BCOR: variants seen among roughly 807,000 people sequenced by gnomAD.
BCOR encodes the protein BCL-6 corepressor.
A neutral mutation model predicts 86.7 loss-of-function variants in BCOR; 10 were observed. The ratio of observed to expected loss-of-function variants is 0.12; its 90% CI spans 0.07 to 0.20. BCOR has a LOEUF of 0.20. Ranked by LOEUF, BCOR falls within the 10% of genes least tolerant of loss-of-function variation. BCOR has a pLI of 1.00. For synonymous variants in BCOR, 611 were observed against 609.0 expected (o/e 1.00, Z -0.05); for missense variants, 1,259 against 1,452.1 (o/e 0.87, Z 2.16).
intron 1 of BCOR, among the ~76,000 whole-genome samples, chrX:40,106,791 C>T (rs980929095): frequency 4.5e-5 from 5 of 111,381 alleles, no homozygotes; most frequent in African/African-American, 1.6e-4. Context: ...GGGAGGGGTC[C>T]GGGGATTTTG....
chrX:40,084,306 G>C (rs898760404), intron 1 of BCOR, among the ~76,000 whole-genome samples: 3 of 112,163 alleles, frequency 2.7e-5, no homozygotes. Context: ...GGGGACACTT[G>C]CCCGTCTCCC....
chrX:40,162,922 G>A (rs1453591706), intron 1 of BCOR, among the ~76,000 whole-genome samples: 1 of 111,531 alleles, frequency 9.0e-6, no homozygotes, highest in Non-Finnish European at 1.9e-5. Flanking sequence ...TCCATTCAGG[G>A]GTTAGAGACA....
intron 1 of BCOR, among the ~76,000 whole-genome samples, chrX:40,163,194 C>T (rs957716648): frequency 3.6e-5 from 4 of 110,827 alleles, no homozygotes; most frequent in Non-Finnish European, 7.6e-5. Context: ...TGAAGGGTTA[C>T]TAGATCTTCC....
Position 40,063,080 on chromosome X carries a change from GGAGGGGGTGAC to G in BCOR, c.3848-20_3848-10del, listed in dbSNP as rs1934985467. 1.8e-6 allele frequency: 2 copies of G among 1,138,747 alleles called. No individual in the cohort carries two copies. Among genetic ancestry groups the G allele is most frequent in the Non-Finnish European group, 2.3e-6 (2 of 851,305 alleles). 93.8% of individuals were successfully genotyped at this position (1,138,747 alleles called of 1,213,427 possible). A position where few individuals can be genotyped will look rare whatever the true frequency, so the allele number is the denominator to read the frequency against. On this transcript the variant is annotated splice_polypyrimidine_tract_variant and intron_variant, in intron 8 of 14. Transcript: ENST00000378444. ...GGAGAACACAGGCAAGCCTAAATAC[GGAGGGGGTGAC>G]GGGGTGGCGGGCGGATGGGAGACGG...
intron 1 of BCOR, among the ~76,000 whole-genome samples, chrX:40,138,140 C>CG (rs1937727025): frequency 9.0e-6 from 1 of 111,596 alleles, no homozygotes; most frequent in African/African-American, 3.3e-5. Context: ...TTAGTAGAGA[C>CG]GGGGTTTCTC....
intron 14 of BCOR, among the ~76,000 whole-genome samples, chrX:40,052,603 C>T (rs771734011): frequency 7.2e-4 from 62 of 85,949 alleles, no homozygotes; most frequent in Admixed American, 2.3e-3. Flanking sequence ...CTCGCTCTGT[C>T]GCCCAGGCTG....
chrX:40,062,072 C>T (rs1026118680), intron 10 of BCOR, 67 bp downstream of exon 10: 2 of 1,145,862 alleles, frequency 1.7e-6, no homozygotes, highest in Non-Finnish European at 2.3e-6. Flanking sequence ...TCCCTCCCCT[C>T]GCCCACCACA....
At chrX:40,139,788 G>A (rs1343184673) in intron 1 of BCOR, among the ~76,000 whole-genome samples, 2 of 89,975 alleles carry the variant, frequency 2.2e-5, no homozygotes, top group African/African-American at 8.3e-5. Flanking sequence ...TCCAGCCTGG[G>A]TGACAGAGCG....
At chrX:40,100,404 C>T (rs767081119), upstream of BCOR, among the ~76,000 whole-genome samples, 300 of 112,082 alleles carry the variant, frequency 2.7e-3, 2 homozygotes, top group African/African-American at 5.9e-3. Context: ...TCTATCCCCT[C>T]CCCTCGTCTC....
intron 1 of BCOR, among the ~76,000 whole-genome samples, chrX:40,158,500 C>G (rs1938348234): frequency 8.9e-6 from 1 of 112,596 alleles, no homozygotes; most frequent in South Asian, 3.6e-4. Flanking sequence ...GACGATGGGG[C>G]GGCCGTCCCT....
At chrX:40,100,499 G>A (rs1237326341), upstream of BCOR, among the ~76,000 whole-genome samples, 2 of 112,131 alleles carry the variant, frequency 1.8e-5, no homozygotes, top group East Asian at 2.8e-4. Flanking sequence ...TCCAGGAACC[G>A]AGCTCGGGGC....
In BCOR at chrX:40,155,004, TGCCCGAGCGCCCGCCGCG is replaced by T. The variant is rs1231842219; in HGVS notation, c.-41+21985_-41+22002del. Reference sequence around the variant, plus strand: ...CACGCGCGCGCGCGTCCTCTCCGCCTGCCCGAGCGCCCGCCGCGGCCCGCAGTGCGCCCGGGGCTGGGG... The same window carrying T: ...CACGCGCGCGCGCGTCCTCTCCGCCTGCCCGCAGTGCGCCCGGGGCTGGGG... On this transcript the variant is annotated intron_variant, in intron 1 of 14. Coordinates refer to the BCOR transcript ENST00000342274. Among the ~76,000 whole-genome samples the T allele has an allele frequency of 2.7e-5, 3 of 109,322 alleles. No individual in the cohort carries two copies. The Admixed American group carries it at 2.8e-4, about 10-fold the overall frequency. 94.9% of individuals were successfully genotyped at this position (109,322 alleles called of 115,157 possible).
At position 40,097,854 on chromosome X, in the gene BCOR, G is replaced by A. The variant is rs1936969649; in HGVS notation, c.-680C>T. 9.4e-6 allele frequency among the ~76,000 whole-genome samples: 1 copy of A among 106,507 alleles called. No individual in the cohort carries two copies. Among genetic ancestry groups the A allele is most frequent in the African/African-American group, 3.5e-5 (1 of 28,739 alleles). 92.5% of individuals were successfully genotyped at this position (106,507 alleles called of 115,157 possible). The stretch of plus-strand genomic sequence containing the variant: ...CCGCCTAGCTCCCGCTCTCGGTCGC[G>A]GTCTGGGCTCCTGCGCGTCTCCCCC... On this transcript the variant is annotated 5_prime_UTR_variant, in exon 1 of 15. Coordinates refer to ENST00000378444, the MANE Select transcript of BCOR (RefSeq NM_001123385.2).
At chrX:40,136,512 G>A (rs1937684790) in intron 1 of BCOR, among the ~76,000 whole-genome samples, 1 of 111,801 alleles carries the variant, frequency 8.9e-6, no homozygotes. Flanking sequence ...TCTCTCTGTA[G>A]CCTCACACCC....
intron 1 of BCOR, among the ~76,000 whole-genome samples, chrX:40,105,440 C>T (rs897149803): frequency 7.1e-5 from 8 of 112,402 alleles, no homozygotes; most frequent in Admixed American, 2.8e-4. Flanking sequence ...GCGCGTCACC[C>T]CTGATCCCTC....
At chrX:40,134,474 T>G (rs6651730) in intron 1 of BCOR, among the ~76,000 whole-genome samples, 12,244 of 109,331 alleles carry the variant, frequency 0.11, 555 homozygotes, top group Middle Eastern at 0.15. Context: ...AAATAAAAAA[T>G]TGGCTGGGTG....
At chrX:40,090,758 G>A (rs761540129) in intron 1 of BCOR, among the ~76,000 whole-genome samples, 4 of 111,962 alleles carry the variant, frequency 3.6e-5, no homozygotes, top group East Asian at 2.8e-4. Flanking sequence ...AGGCGGGAAG[G>A]GGGGGACGGG....
At chrX:40,168,476 G>A (rs1052367738) in intron 1 of BCOR, among the ~76,000 whole-genome samples, 11 of 113,189 alleles carry the variant, frequency 9.7e-5, no homozygotes, top group Admixed American at 2.8e-4. Flanking sequence ...ACTTGGTCCG[G>A]GTGGGGCACA....
chrX:40,160,557 C>CT (rs1416247845), intron 1 of BCOR, among the ~76,000 whole-genome samples: 1 of 107,778 alleles, frequency 9.3e-6, no homozygotes, highest in African/African-American at 3.4e-5. Flanking sequence ...AAAAAGAAGG[C>CT]TCCCAAAGAC....
Sources: gnomAD v4.1 joint callset for allele counts (sites outside exome capture counted in the v4.1 genomes callset) on GRCh38, gnomAD v4.1.1 for gene constraint, MANE v1.5 for transcripts, NCBI Gene and HGNC (gene_info 2026-07-23, HGNC 2026-07-21) for gene names.